Variants in MYRF observed in about 807,000 individuals in gnomAD.
MYRF encodes the protein myelin regulatory factor.
A neutral mutation model predicts 126.3 loss-of-function variants in MYRF; 16 were observed. The ratio of observed to expected loss-of-function variants is 0.13; its 90% CI spans 0.09 to 0.19. MYRF has a LOEUF of 0.19. Among genes scored for constraint, MYRF ranks in the 10% least tolerant of loss-of-function variants. The pLI is 1.00. For missense variants in MYRF, 1,104 were observed against 1,547.0 expected, an observed-to-expected ratio of 0.71 and a Z score of 4.80; for synonymous variants, 608 against 635.3, an observed-to-expected ratio of 0.96 and a Z score of 0.65.
Position 61,773,957 on chromosome 11 carries a change from G to GC in MYRF, c.1116-3dup, listed in dbSNP as rs375062395. Reference sequence around the variant, plus strand: ...GGGCCTCAGGGGAGTGCCCTCACCCGCCCCCCCAGGCCCATGCTCACCTAC... The same window carrying GC: ...GGGCCTCAGGGGAGTGCCCTCACCCGCCCCCCCCAGGCCCATGCTCACCTAC... On this transcript the variant is annotated splice_polypyrimidine_tract_variant and intron_variant, in intron 7 of 26. Transcript: ENST00000278836. The GC allele has an allele frequency of 2.8e-3, 2,517 of 888,514 alleles. 5 individuals are homozygous for GC. The highest frequency in any genetic ancestry group is 4.0e-3 in the Non-Finnish European group (2,274 of 570,664). 55.0% of individuals were successfully genotyped at this position (888,514 alleles called of 1,614,324 possible). A position where few individuals can be genotyped will look rare whatever the true frequency, so the allele number is the denominator to read the frequency against.
intron 18 of MYRF, among the ~76,000 whole-genome samples, 183 bp from the exon 19 acceptor site, chr11:61,780,529 T>C (rs187530094): frequency 1.3e-5 from 2 of 152,218 alleles, no homozygotes; most frequent in East Asian, 3.9e-4. Flanking sequence ...TAGCTGGGCC[T>C]GCGAGTCAGG....
In MYRF at chr11:61,765,633, A is replaced by G. The variant is rs2066034027; in HGVS notation, c.55A>G (p.Ile19Val). 6.2e-7 allele frequency: 1 copy of G among 1,612,578 alleles called. No individual in the cohort carries two copies. Among genetic ancestry groups the G allele is most frequent in the Non-Finnish European group, 8.5e-7 (1 of 1,179,656 alleles). ...TCTCTCCTGCCCTGCAGGCCACGAC[A>G]TCAACGGTGCCCTGGAGCCCTCCAA... ...ALQRFFEGHD[I>V]NGALEPSNID... Residue 19 changes from isoleucine (I) to valine (V), a missense_variant, in exon 2 of 27, where the codon ATC becomes GTC. Coordinates refer to ENST00000278836, the MANE Select transcript of MYRF (RefSeq NM_001127392.3).
Position 61,765,373 on chromosome 11 carries a change from C to T in MYRF, c.47-252C>T, listed in dbSNP as rs184521369. ...CGGCCTCTCTGTACCCAGATCCATGCCCTGGGCCCCTCTCCTCCTCTGAGA... is the reference window on the plus strand; with the variant it reads ...CGGCCTCTCTGTACCCAGATCCATGTCCTGGGCCCCTCTCCTCCTCTGAGA... On this transcript the variant is annotated intron_variant, in intron 1 of 26. Coordinates refer to ENST00000278836, the MANE Select transcript of MYRF (RefSeq NM_001127392.3). Among the ~76,000 whole-genome samples the T allele has an allele frequency of 2.8e-3, 432 of 152,294 alleles. 2 individuals are homozygous for T. The highest frequency in any genetic ancestry group is 4.4e-3 in the Non-Finnish European group (300 of 68,022).
Position 61,776,771 on chromosome 11 carries a change from C to T in MYRF, c.1500-16C>T, listed in dbSNP as rs2066396939. ...GGGCAGGCCATGAGTACTTCTGAGACCCCTGTGTGTCCCAGGTACTTCATG... is the reference window on the plus strand; with the variant it reads ...GGGCAGGCCATGAGTACTTCTGAGATCCCTGTGTGTCCCAGGTACTTCATG... On this transcript the variant is annotated splice_polypyrimidine_tract_variant and intron_variant, in intron 10 of 26. Coordinates refer to ENST00000278836, the MANE Select transcript of MYRF (RefSeq NM_001127392.3). This position sits in a 1 kb window ranked among gnomAD's most constrained non-coding sequence, Gnocchi z 4.3. The T allele has an allele frequency of 1.3e-6, 2 of 1,579,774 alleles. No homozygotes were observed. Among genetic ancestry groups the T allele is most frequent in the Non-Finnish European group, 8.6e-7 (1 of 1,162,256 alleles).
rs557994492 is a variant in MYRF at position 61,775,578 on chromosome 11, G to A, written c.1312-478G>A. ...GGTACCTTGGCATGGCTCTGCCAGTGCACGTGGAGGAGTAGAGGAGACGTG... is the reference window on the plus strand; with the variant it reads ...GGTACCTTGGCATGGCTCTGCCAGTACACGTGGAGGAGTAGAGGAGACGTG... On this transcript the variant is annotated intron_variant, in intron 8 of 26. Coordinates refer to ENST00000278836, the MANE Select transcript of MYRF (RefSeq NM_001127392.3). 5.3e-5 allele frequency among the ~76,000 whole-genome samples: 8 copies of A among 152,296 alleles called. No individual in the cohort carries two copies. In the South Asian group the frequency reaches 1.5e-3, roughly 28 times the overall value.
intron 24 of MYRF, 172 bp from the exon 25 acceptor site, chr11:61,784,108 C>A: frequency 2.1e-6 from 2 of 954,700 alleles, no homozygotes; most frequent in Non-Finnish European, 3.2e-6. Context: ...GCCTCATGGG[C>A]TGAGGACCAC....
In MYRF at chr11:61,776,954, A is replaced by G; in HGVS notation, c.1590+77A>G. Reference sequence around the variant, plus strand: ...AAACAGCAAGCAGAAGTACCCGGGTACTGAGAGTCAGGAGTGGGCATGCTC... The same window carrying G: ...AAACAGCAAGCAGAAGTACCCGGGTGCTGAGAGTCAGGAGTGGGCATGCTC... On this transcript the variant is annotated intron_variant, in intron 11 of 26. Coordinates refer to ENST00000278836, the MANE Select transcript of MYRF (RefSeq NM_001127392.3). This position sits in a 1 kb window ranked among gnomAD's most constrained non-coding sequence, Gnocchi z 4.3. 7.9e-7 allele frequency: 1 copy of G among 1,264,342 alleles called. No homozygotes were observed. Among genetic ancestry groups the G allele is most frequent in the East Asian group, 2.5e-5 (1 of 39,590 alleles). The allele number at this position is 1,264,342 out of a possible 1,614,324, so 78.3% of individuals were successfully genotyped here.
intron 4 of MYRF, 105 bp from the exon 5 acceptor site, chr11:61,770,141 G>T: frequency 8.5e-7 from 1 of 1,177,780 alleles, no homozygotes; most frequent in Non-Finnish European, 1.1e-6. Flanking sequence ...CCCCGGGCTT[G>T]GCTCAGGACG....
At chr11:61,767,992 C>T (rs2066111902) in intron 3 of MYRF, among the ~76,000 whole-genome samples, 3 of 151,774 alleles carry the variant, frequency 2.0e-5, no homozygotes, top group African/African-American at 7.3e-5. Flanking sequence ...GTGGCGCATG[C>T]CTGTAATCCC....
Position 61,777,824 on chromosome 11 carries a change from G to A in MYRF, c.1882G>A (p.Glu628Lys). ...CGAGTTCGCCGCCAGCGCGGGCATC[G>A]AGGCCACCGCGCCAGAGACAGGTAG... ...KPEFAASAGI[E>K]ATAPETGVIA... Residue 628 changes from glutamate (E) to lysine (K), a missense_variant, in exon 13 of 27, where the codon GAG (glutamate) becomes AAG (lysine). By Grantham distance (56) the Glu-to-Lys change is moderately conservative (BLOSUM62 1). Transcript: ENST00000278836. The surrounding 1 kb of genome is among the most constrained non-coding windows in gnomAD (Gnocchi z 8.8). 6.4e-7 allele frequency: 1 copy of A among 1,552,274 alleles called. No homozygotes were observed. The highest frequency in any genetic ancestry group is 8.7e-7 in the Non-Finnish European group (1 of 1,147,526).
intron 3 of MYRF, chr11:61,766,852 A>C (rs546382293): frequency 1.3e-4 from 45 of 359,818 alleles, no homozygotes; most frequent in Admixed American, 2.4e-4. Flanking sequence ...GGCTGGGAGC[A>C]TGGGTCTGCA....
chr11:61,767,813 C>CAAAAAAAA (rs35214869), intron 3 of MYRF, among the ~76,000 whole-genome samples: 1 of 64,916 alleles, frequency 1.5e-5, no homozygotes, highest in African/African-American at 6.5e-5. Flanking sequence ...GACCCTGTCT[C>CAAAAAAAA]AAAAAAAAAA....
In MYRF at chr11:61,780,264, A is replaced by C. The variant is rs778303760; in HGVS notation, c.2379A>C (p.Thr793=). 2 of 1,613,876 alleles carry C rather than the reference A, an allele frequency of 1.2e-6. No homozygotes were observed. Among genetic ancestry groups the C allele is most frequent in the Middle Eastern group, 3.3e-4 (2 of 6,058 alleles). The part of the protein sequence containing the change: ...MSTLYVLSLR[T]EEDLVDTDGS... ...CACTGTACGTGCTGAGCCTGCGCAC[A>C]GAGGAGGACCTGGTAGACACTGATG... is the stretch of plus-strand genomic sequence containing the variant. The change falls in exon 18 of 27, where the codon ACA becomes ACC. Residue 793 remains threonine (T), a synonymous_variant. Transcript: ENST00000278836.
At position 61,778,261 on chromosome 11, in the gene MYRF, C is replaced by T; in HGVS notation, c.1904-119C>T. 1.4e-6 allele frequency: 1 copy of T among 739,476 alleles called. No individual in the cohort carries two copies. Among genetic ancestry groups the T allele is most frequent in the Non-Finnish European group, 2.4e-6 (1 of 413,630 alleles). The allele number at this position is 739,476 out of a possible 1,614,324, so 45.8% of individuals were successfully genotyped here. A position where few individuals can be genotyped will look rare whatever the true frequency, so the allele number is the denominator to read the frequency against. On this transcript the variant is annotated intron_variant, in intron 13 of 26. Transcript: ENST00000278836. The surrounding 1 kb of genome is among the most constrained non-coding windows in gnomAD (Gnocchi z 4.6). ...TCCCTGCTCCAGGGCTCCTTGGAATCCAAATCTCTGGGTTCCAGAACTTCA... is the reference window on the plus strand; with the variant it reads ...TCCCTGCTCCAGGGCTCCTTGGAATTCAAATCTCTGGGTTCCAGAACTTCA...
chr11:61,777,347 C>T lies in MYRF; in HGVS notation c.1674C>T (p.Gly558=), dbSNP rs1280542844. The change falls in exon 12 of 27, where the codon GGC becomes GGT. Residue 558 remains glycine, a synonymous_variant. Coordinates refer to ENST00000278836, the MANE Select transcript of MYRF (RefSeq NM_001127392.3). The surrounding 1 kb of genome is among the most constrained non-coding windows in gnomAD (Gnocchi z 8.8). ...TGCCCGACACCGTCTTCCACCACGG[C>T]CGCGTGGGCATCAACACAGACCGGC... ...AQVPDTVFHH[G]RVGINTDRPD... The T allele has an allele frequency of 5.6e-6, 9 of 1,613,790 alleles. No individual in the cohort carries two copies. In the South Asian group the frequency reaches 7.7e-5, roughly 14 times the overall value.
intron 4 of MYRF, 122 bp from the exon 5 acceptor site, chr11:61,770,124 G>T: frequency 9.9e-7 from 1 of 1,012,218 alleles, no homozygotes; most frequent in Non-Finnish European, 1.4e-6. Flanking sequence ...GGTAGGTGGG[G>T]GGCAGCCCCC....
At position 61,776,481 on chromosome 11, in the gene MYRF, G is replaced by A. The variant is rs747414524; in HGVS notation, c.1499+49G>A. On this transcript the variant is annotated intron_variant, in intron 10 of 26. Coordinates refer to ENST00000278836, the MANE Select transcript of MYRF (RefSeq NM_001127392.3). The surrounding 1 kb of genome is among the most constrained non-coding windows in gnomAD (Gnocchi z 4.3). Reference sequence around the variant, plus strand: ...CGGAGCCCCTCCATTTCTGAGGCAGGAAGACACTGCCCTGGGTGGCACACC... The same window carrying A: ...CGGAGCCCCTCCATTTCTGAGGCAGAAAGACACTGCCCTGGGTGGCACACC... 4 of 1,513,426 alleles carry A rather than the reference G, an allele frequency of 2.6e-6. No individual in the cohort carries two copies. Among genetic ancestry groups the A allele is most frequent in the East Asian group, 2.4e-5 (1 of 42,274 alleles). 93.7% of individuals were successfully genotyped at this position (1,513,426 alleles called of 1,614,324 possible). A position where few individuals can be genotyped will look rare whatever the true frequency, so the allele number is the denominator to read the frequency against.
rs760249770 is a variant in MYRF at position 61,769,298 on chromosome 11, C to T, written c.437C>T (p.Ala146Val). The T allele has an allele frequency of 6.2e-7, 1 of 1,610,244 alleles. No homozygotes were observed. The highest frequency in any genetic ancestry group is 8.5e-7 in the Non-Finnish European group (1 of 1,178,800). Residue 146 changes from alanine (A) to valine (V), a missense_variant, in exon 4 of 27, where the codon GCC becomes GTC. This residue lies in a region of MYRF where 368 missense variants were observed against 403.9 expected (regional missense o/e 0.91). Coordinates refer to ENST00000278836, the MANE Select transcript of MYRF (RefSeq NM_001127392.3). ...TCTCCCCCAGACTCGGGCTCCGAGG[C>T]CTACTCCCCCCAGCAGGTGAATGGT... is the stretch of plus-strand genomic sequence containing the variant. ...PDSPPDSGSEAYSPQQVNEPH... is the reference protein window; with the variant it reads ...PDSPPDSGSEVYSPQQVNEPH...
chr11:61,774,022 G>A lies in MYRF; in HGVS notation c.1171G>A (p.Asp391Asn). 6.2e-7 allele frequency: 1 copy of A among 1,613,490 alleles called. No homozygotes were observed. Among genetic ancestry groups the A allele is most frequent in the Non-Finnish European group, 8.5e-7 (1 of 1,179,962 alleles). ...CAAGGGCTTCAACTTTTCGGTGGGC[G>A]ACGACGCCTTTGTGTGCCAGAAGAA... ...ADKGFNFSVG[D>N]DAFVCQKKNH... The change falls in exon 8 of 27, where the codon GAC becomes AAC. Residue 391 changes from aspartate (D) to asparagine (N), a missense_variant. Asp to Asn is a conservative substitution (Grantham distance 23). Coordinates refer to ENST00000278836, the MANE Select transcript of MYRF (RefSeq NM_001127392.3).
Sources: gnomAD v4.1 joint callset for allele counts (sites outside exome capture counted in the v4.1 genomes callset) on GRCh38, gnomAD v4.1.1 for gene constraint, gnomAD v4.1.1 regional missense constraint, Gnocchi (gnomAD v3.1) non-coding constraint, MANE v1.5 for transcripts, NCBI Gene and HGNC (gene_info 2026-07-23, HGNC 2026-07-21) for gene names.